METTL8: variants seen among roughly 807,000 people sequenced by gnomAD.
METTL8 encodes methyltransferase 8, tRNA N3-cytidine.
In METTL8, 32 loss-of-function variants were observed where a neutral mutation model predicts 48.7. The ratio of observed to expected loss-of-function variants is 0.66; its 90% CI spans 0.50 to 0.88. The LOEUF is 0.88. Ranked by LOEUF, METTL8 falls within the 40% of genes least tolerant of loss-of-function variation. The pLI is 0.00. For synonymous variants in METTL8, 136 were observed against 157.1 expected, an observed-to-expected ratio of 0.87 and a Z score of 1.01; for missense variants, 464 against 474.4, an observed-to-expected ratio of 0.98 and a Z score of 0.20.
At chr2:171,326,279 G>C (rs1001655146) in intron 7 of METTL8, 131 bp from the exon 8 acceptor site, 1 of 546,524 alleles carries the variant, frequency 1.8e-6, no homozygotes, top group Non-Finnish European at 3.2e-6. Context: ...TAAACATAAG[G>C]GTAACAAAAA....
At chr2:171,402,574 G>A (rs1256028593) in intron 1 of METTL8, among the ~76,000 whole-genome samples, 1 of 152,090 alleles carries the variant, frequency 6.6e-6, no homozygotes, top group Non-Finnish European at 1.5e-5. Context: ...GTTATATATA[G>A]AAATATCTGT....
chr2:171,414,809 T>C (rs576016727), intron 1 of METTL8: 1 of 152,224 alleles, frequency 6.6e-6, no homozygotes, highest in South Asian at 2.1e-4. Context: ...CCAAATCTTA[T>C]CTTGAATTGT....
At chr2:171,407,723 G>A (rs13428455) in intron 1 of METTL8, among the ~76,000 whole-genome samples, 22 of 152,120 alleles carry the variant, frequency 1.4e-4, no homozygotes, top group African/African-American at 4.1e-4. Flanking sequence ...TATTTAAATC[G>A]CATTTTTATT....
intron 3 of METTL8, among the ~76,000 whole-genome samples, chr2:171,354,286 C>T (rs1684277197): frequency 6.6e-6 from 1 of 152,106 alleles, no homozygotes; most frequent in Non-Finnish European, 1.5e-5. Context: ...GAATATCGGC[C>T]CCCACTCTCT....
At chr2:171,408,650 G>C (rs1236030741) in intron 1 of METTL8, among the ~76,000 whole-genome samples, 1 of 152,056 alleles carries the variant, frequency 6.6e-6, no homozygotes, top group East Asian at 1.9e-4. Flanking sequence ...GTAGGGCAGA[G>C]TCATCTCAAT....
intron 2 of METTL8, 142 bp from the exon 3 acceptor site, chr2:171,360,655 T>C (rs1203720425): frequency 1.3e-5 from 9 of 680,962 alleles, no homozygotes; most frequent in Admixed American, 2.9e-5. Context: ...ATACATTTTG[T>C]GTAAGATGTT....
At chr2:171,426,444 A>G (rs748107089) in intron 1 of METTL8, among the ~76,000 whole-genome samples, 1 of 152,196 alleles carries the variant, frequency 6.6e-6, no homozygotes, top group African/African-American at 2.4e-5. Flanking sequence ...AGAGATGTCA[A>G]AGTTTTAGGT....
At chr2:171,348,908 TA>T (rs904154267) in intron 3 of METTL8, among the ~76,000 whole-genome samples, 4 of 152,120 alleles carry the variant, frequency 2.6e-5, no homozygotes, top group Admixed American at 2.6e-4. Flanking sequence ...AAGAGTTGGG[TA>T]AAGTGTCTGT....
chr2:171,426,622 C>G (rs546976712), intron 1 of METTL8, among the ~76,000 whole-genome samples: 3 of 152,108 alleles, frequency 2.0e-5, no homozygotes, highest in African/African-American at 7.2e-5. Context: ...TACTATCAAT[C>G]CTTTAAACCT....
At chr2:171,341,755 A>G (rs905359043) in intron 3 of METTL8, among the ~76,000 whole-genome samples, 1 of 152,078 alleles carries the variant, frequency 6.6e-6, no homozygotes, top group Non-Finnish European at 1.5e-5. Context: ...AGCAAGGTAT[A>G]TAACAGTGTC....
intron 7 of METTL8, among the ~76,000 whole-genome samples, chr2:171,328,076 G>T (rs1685137370): frequency 6.6e-6 from 1 of 152,158 alleles, no homozygotes. Flanking sequence ...TCATAGTGCA[G>T]TTCCCGAGCC....
chr2:171,352,101 T>C (rs545058522), intron 3 of METTL8, among the ~76,000 whole-genome samples: 20 of 152,356 alleles, frequency 1.3e-4, no homozygotes, highest in African/African-American at 4.8e-4. Context: ...GAGTTTGTCA[T>C]AAATAGCTCT....
At chr2:171,433,301 CTCA>C (rs150775557) in intron 1 of METTL8, 21,138 of 152,146 alleles carry the variant, frequency 0.14, 1,682 homozygotes, top group Non-Finnish European at 0.18. Flanking sequence ...ATTATTTTTT[CTCA>C]TCAAGTTATA....
chr2:171,371,513 C>T (rs1200956516), intron 2 of METTL8, among the ~76,000 whole-genome samples: 1 of 152,042 alleles, frequency 6.6e-6, no homozygotes, highest in Non-Finnish European at 1.5e-5. Context: ...CGTGCCAACA[C>T]ACCCAGCCAA....
At chr2:171,365,924 T>C (rs1685669664) in intron 2 of METTL8, among the ~76,000 whole-genome samples, 1 of 152,198 alleles carries the variant, frequency 6.6e-6, no homozygotes, top group South Asian at 2.1e-4. Flanking sequence ...TTCTAGACTG[T>C]GGTGCAGAGA....
At chr2:171,420,707 TG>T (rs1381321260) in intron 1 of METTL8, among the ~76,000 whole-genome samples, 2 of 152,176 alleles carry the variant, frequency 1.3e-5, no homozygotes, top group Non-Finnish European at 2.9e-5. Context: ...TCACAAAAAT[TG>T]ATCTAAATAA....
intron 7 of METTL8, among the ~76,000 whole-genome samples, chr2:171,327,883 ATC>A (rs1685119536): frequency 6.6e-6 from 1 of 152,260 alleles, no homozygotes; most frequent in Non-Finnish European, 1.5e-5. Flanking sequence ...ACATAGCAAA[ATC>A]TTTCTGTAAT....
Position 171,325,788 on chromosome 2 carries a change from ATAAC to A in METTL8, c.1033+49_1033+52del, listed in dbSNP as rs1409611546. On this transcript the variant is annotated intron_variant, in intron 9 of 9. Transcript: ENST00000375258. ...CTTCTGAGCTATAATCAATGAGATA[ATAAC>A]TAACAAGAACGATTATGACCAATTA... 6.4e-6 allele frequency: 7 copies of A among 1,102,262 alleles called. No homozygotes were observed. In the African/African-American group the frequency reaches 7.9e-5, roughly 12 times the overall value. The allele number at this position is 1,102,262 out of a possible 1,614,324, so 68.3% of individuals were successfully genotyped here. A position where few individuals can be genotyped will look rare whatever the true frequency, so the allele number is the denominator to read the frequency against.
Position 171,429,809 on chromosome 2 carries a change from G to A in METTL8, c.-13+4074C>T, listed in dbSNP as rs371698616. ...AATCCCAGCAGTTTGGGAGGCAGAC[G>A]CAGGCAGATCACCTGAGGTCAGGAG... On this transcript the variant is annotated intron_variant, in intron 1 of 9. Transcript: ENST00000375258. 1.6e-4 allele frequency among the ~76,000 whole-genome samples: 24 copies of A among 152,202 alleles called. 1 individual carries two copies. The highest frequency in any genetic ancestry group is 5.3e-4 in the African/African-American group (22 of 41,528).
Sources: allele counts gnomAD v4.1 joint callset (sites outside exome capture counted in the v4.1 genomes callset), GRCh38; gene constraint gnomAD v4.1.1; transcripts MANE v1.5; gene names NCBI Gene and HGNC (gene_info 2026-07-23, HGNC 2026-07-21).